Variants in IFT43 observed in about 807,000 individuals in gnomAD.
The protein encoded by IFT43 is intraflagellar transport protein 43 homolog.
Under a neutral mutation model 32.3 loss-of-function variants are expected in IFT43, and 33 were observed. The observed-to-expected ratio is 1.02, with a 90% confidence interval of 0.77 to 1.37. IFT43 has a LOEUF of 1.37. Among genes scored for constraint, IFT43 ranks in the 40% most tolerant of loss-of-function variants. IFT43 has a pLI of 0.00. For synonymous variants in IFT43, 93 were observed against 98.2 expected (o/e 0.95, Z 0.31); for missense variants, 274 against 265.9 (o/e 1.03, Z -0.21).
chr14:76,082,351 G>C lies in IFT43; in HGVS notation c.352G>C (p.Val118Leu), dbSNP rs868110200. The stretch of plus-strand genomic sequence containing the variant: ...ACAGGAAGAAGACTTTGTTTTGCAG[G>C]TGGCAGCCCCTCCCAGGTAGGTTAA... ...EVQEEDFVLQ[V>L]AAPPSIQIKR... The change falls in exon 6 of 9, where the codon GTG (valine) becomes CTG (leucine). Residue 118 changes from valine (V) to leucine (L), a missense_variant. Val to Leu is a conservative substitution (Grantham distance 32, BLOSUM62 1). Coordinates refer to ENST00000314067, the MANE Select transcript of IFT43 (RefSeq NM_001102564.3). 2.5e-6 allele frequency: 4 copies of C among 1,610,566 alleles called. No homozygotes were observed. The highest frequency in any genetic ancestry group is 3.4e-6 in the Non-Finnish European group (4 of 1,176,800).
Position 76,052,652 on chromosome 14 carries a change from C to CA in IFT43, c.216-5987dup, listed in dbSNP as rs1385149533. Among the ~76,000 whole-genome samples the CA allele has an allele frequency of 2.0e-5, 3 of 152,276 alleles. No homozygotes were observed. The East Asian group carries it at 5.8e-4, about 29-fold the overall frequency. ...TGCTCAGCTGCCCAAATCACACCGT[C>CA]AAATGTCAGTGTGGGCTCCAAATGC... is the stretch of plus-strand genomic sequence containing the variant. On this transcript the variant is annotated intron_variant, in intron 3 of 8. Transcript: ENST00000314067.
At chr14:76,055,977 C>T (rs1437707260) in intron 3 of IFT43, among the ~76,000 whole-genome samples, 3 of 152,248 alleles carry the variant, frequency 2.0e-5, no homozygotes, top group African/African-American at 4.8e-5. Flanking sequence ...ATCCACTGCA[C>T]GTCCAGTATT....
chr14:75,999,232 TATATATA>T (rs2035806804), intron 2 of IFT43, among the ~76,000 whole-genome samples: 1 of 6,986 alleles, frequency 1.4e-4, no homozygotes, highest in East Asian at 2.0e-3. Context: ...TCATTTTATA[TATATATA>T]TATATATATA....
chr14:76,020,740 C>T (rs1199164057), intron 2 of IFT43, among the ~76,000 whole-genome samples: 4 of 152,268 alleles, frequency 2.6e-5, no homozygotes, highest in Admixed American at 1.3e-4. Flanking sequence ...CCTTAGGCAC[C>T]AGTGGTAGTG....
chr14:76,073,618 C>G (rs1232636587), intron 5 of IFT43, among the ~76,000 whole-genome samples: 1 of 152,138 alleles, frequency 6.6e-6, no homozygotes, highest in Non-Finnish European at 1.5e-5. Context: ...TGTGTGTGTA[C>G]TTGTCTATAT....
intron 3 of IFT43, among the ~76,000 whole-genome samples, chr14:76,033,229 A>G (rs940376475): frequency 2.0e-5 from 3 of 152,178 alleles, no homozygotes; most frequent in African/African-American, 2.4e-5. Context: ...GATACTATGA[A>G]AAAAGGAAAG....
At chr14:75,986,875 T>G (rs1451619945) in intron 1 of IFT43, among the ~76,000 whole-genome samples, 1 of 152,244 alleles carries the variant, frequency 6.6e-6, no homozygotes, top group Non-Finnish European at 1.5e-5. Flanking sequence ...GGGATGTGAA[T>G]GTAGTTATTC....
chr14:76,065,290 C>T (rs1441459065), intron 5 of IFT43, among the ~76,000 whole-genome samples: 1 of 152,220 alleles, frequency 6.6e-6, no homozygotes, highest in Non-Finnish European at 1.5e-5. Context: ...ATGCCAGCTA[C>T]ATTTTCTCTC....
intron 2 of IFT43, among the ~76,000 whole-genome samples, chr14:76,002,427 T>G (rs917190419): frequency 7.9e-4 from 120 of 151,944 alleles, no homozygotes; most frequent in African/African-American, 2.8e-3. Flanking sequence ...GGGAAAGAAG[T>G]GACACCAAGA....
At chr14:76,063,244 CCAGATCTCGT>C (rs2037174414) in intron 5 of IFT43, among the ~76,000 whole-genome samples, 1 of 152,186 alleles carries the variant, frequency 6.6e-6, no homozygotes, top group Non-Finnish European at 1.5e-5. Flanking sequence ...CCTGAACGCG[CCAGATCTCGT>C]CTGAAATATC....
intron 3 of IFT43, among the ~76,000 whole-genome samples, chr14:76,038,446 T>C (rs915670320): frequency 1.1e-4 from 17 of 152,208 alleles, no homozygotes; most frequent in South Asian, 2.1e-4. Flanking sequence ...CCATGTGACA[T>C]CATATCTTTT....
At chr14:76,019,420 A>T (rs1337474278) in intron 2 of IFT43, among the ~76,000 whole-genome samples, 5 of 152,000 alleles carry the variant, frequency 3.3e-5, no homozygotes, top group Admixed American at 2.0e-4. Flanking sequence ...TATCATCCCA[A>T]ACTTTCCTGG....
chr14:76,027,855 C>T (rs763881842), intron 3 of IFT43, among the ~76,000 whole-genome samples: 3 of 151,810 alleles, frequency 2.0e-5, no homozygotes, highest in Non-Finnish European at 4.4e-5. Context: ...CCCCAGATGT[C>T]TTTTATAACT....
At chr14:76,055,428 C>T (rs1594850359) in intron 3 of IFT43, among the ~76,000 whole-genome samples, 3 of 151,520 alleles carry the variant, frequency 2.0e-5, no homozygotes, top group Non-Finnish European at 2.9e-5. Context: ...GGAAACAAAA[C>T]ATTTACATAA....
chr14:76,075,645 T>C (rs1433397413), intron 5 of IFT43, among the ~76,000 whole-genome samples: 3 of 152,252 alleles, frequency 2.0e-5, no homozygotes, highest in Non-Finnish European at 4.4e-5. Context: ...AACACGGCTC[T>C]TTGTAAATGA....
chr14:76,052,255 C>T (rs2036927387), intron 3 of IFT43, among the ~76,000 whole-genome samples: 1 of 152,216 alleles, frequency 6.6e-6, no homozygotes, highest in African/African-American at 2.4e-5. Context: ...AGCCGTGGTA[C>T]TTTATCTCCA....
intron 5 of IFT43, among the ~76,000 whole-genome samples, chr14:76,070,684 T>C (rs2037305287): frequency 2.0e-5 from 3 of 152,188 alleles, no homozygotes; most frequent in Middle Eastern, 3.4e-3. Context: ...GGGGCTGGCT[T>C]TCTCATGAAT....
intron 3 of IFT43, among the ~76,000 whole-genome samples, chr14:76,056,720 G>C (rs558429894): frequency 6.6e-6 from 1 of 152,092 alleles, no homozygotes; most frequent in Non-Finnish European, 1.5e-5. Context: ...TGTGTCATTC[G>C]GACAATGGGG....
chr14:76,014,769 G>T (rs1169821494), intron 2 of IFT43, among the ~76,000 whole-genome samples: 1 of 152,110 alleles, frequency 6.6e-6, no homozygotes, highest in African/African-American at 2.4e-5. Context: ...TAATGCCCCA[G>T]TGAAAACCAC....
Sources: gnomAD v4.1 joint callset for allele counts (sites outside exome capture counted in the v4.1 genomes callset) on GRCh38, gnomAD v4.1.1 for gene constraint, MANE v1.5 for transcripts, NCBI Gene and HGNC (gene_info 2026-07-23, HGNC 2026-07-21) for gene names.